The following VPS13D variants were observed in gnomAD, a reference collection of about 807,000 sequenced individuals.
The protein encoded by VPS13D is intermembrane lipid transfer protein VPS13D.
In VPS13D, 187 loss-of-function variants were observed where a neutral mutation model predicts 461.9. The observed-to-expected ratio is 0.40, with a 90% CI of 0.36 to 0.46. The LOEUF is 0.46. VPS13D is among the 20% of genes least tolerant of loss of function. The probability of loss-of-function intolerance (pLI) is 0.60; values close to 1 mark genes in which losing one functional copy is unlikely to be tolerated. For synonymous variants in VPS13D, 1,951 were observed against 1,986.3 expected (o/e 0.98, Z 0.47); for missense variants, 4,711 against 5,364.9 (o/e 0.88, Z 3.81).
chr1:12,504,653 C>G (rs1646080488), intron 68 of VPS13D, among the ~76,000 whole-genome samples: 1 of 152,212 alleles, frequency 6.6e-6, no homozygotes, highest in Non-Finnish European at 1.5e-5. Context: ...GGCTTTCCTG[C>G]CAGCTCGGCC....
chr1:12,477,987 AG>A (rs1372549015), intron 67 of VPS13D, among the ~76,000 whole-genome samples: 1 of 152,204 alleles, frequency 6.6e-6, no homozygotes, highest in Admixed American at 6.5e-5. Context: ...GCACTGTAGG[AG>A]GACTCAGCAG....
intron 67 of VPS13D, among the ~76,000 whole-genome samples, chr1:12,477,113 A>G (rs1177797798): frequency 2.6e-5 from 4 of 152,198 alleles, no homozygotes; most frequent in African/African-American, 9.7e-5. Context: ...TATTTTTAAC[A>G]AGCTTGGGCC....
rs1182107588 is a variant in VPS13D, at chr1:12,329,858, A to G, written c.8227A>G (p.Ser2743Gly). The change falls in exon 37 of 70, where the codon AGC (serine) becomes GGC (glycine). Residue 2743 changes from serine (S) to glycine (G), a missense_variant. By Grantham distance (56) the Ser-to-Gly change is moderately conservative. Transcript: ENST00000620676. The stretch of plus-strand genomic sequence containing the variant: ...GAATTTTCTTCAGCGTGTAAGAACT[A>G]GCCCTGAAGGCTATGCCCACTTCAC... Reference protein sequence around the residue: ...RLNFLQRVRTSPEGYAHFTLS... With the variant: ...RLNFLQRVRTGPEGYAHFTLS... The G allele has an allele frequency of 3.1e-6, 5 of 1,614,052 alleles. No homozygotes were observed.
chr1:12,387,821 GA>G (rs917828060), intron 60 of VPS13D, among the ~76,000 whole-genome samples: 1 of 151,776 alleles, frequency 6.6e-6, no homozygotes, highest in Non-Finnish European at 1.5e-5. Context: ...AAAGGAACAA[GA>G]AAAAAAAGAC....
At chr1:12,459,724 G>A (rs1028025373) in intron 66 of VPS13D, among the ~76,000 whole-genome samples, 2 of 151,994 alleles carry the variant, frequency 1.3e-5, no homozygotes, top group Admixed American at 6.6e-5. Flanking sequence ...TGATCTGCCC[G>A]CCGCAGCCTC....
At chr1:12,313,960 TTAAC>T (rs1642824690) in intron 29 of VPS13D, among the ~76,000 whole-genome samples, 151 bp from the exon 30 acceptor site, 1 of 152,230 alleles carries the variant, frequency 6.6e-6, no homozygotes, top group Non-Finnish European at 1.5e-5. Context: ...GAGGAGTCTA[TTAAC>T]AGAATCAACA....
rs1646156818 is a variant in VPS13D, at chr1:12,509,503, A to G, written c.*479A>G. Reference sequence around the variant, plus strand: ...GAAAGGCATTCTTAAAAGTTAAAGAATGTTACGTCTTAGTTTTGGAGACTA... The same window carrying G: ...GAAAGGCATTCTTAAAAGTTAAAGAGTGTTACGTCTTAGTTTTGGAGACTA... On this transcript the variant is annotated 3_prime_UTR_variant, in exon 70 of 70. Coordinates refer to ENST00000620676, the MANE Select transcript of VPS13D (RefSeq NM_015378.4). The G allele has an allele frequency of 6.5e-6, 1 of 152,974 alleles. No individual in the cohort carries two copies. The highest frequency in any genetic ancestry group is 2.4e-5 in the African/African-American group (1 of 41,476). The allele number at this position is 152,974 out of a possible 1,614,324, so 9.5% of individuals were successfully genotyped here.
intron 68 of VPS13D, chr1:12,499,896 T>G (rs1646013254): frequency 3.0e-6 from 3 of 985,318 alleles, no homozygotes; most frequent in Non-Finnish European, 3.6e-6. Flanking sequence ...GAGCGCCAAA[T>G]TATACCTCTG....
chr1:12,459,875 C>T (rs1476415574), intron 66 of VPS13D, among the ~76,000 whole-genome samples: 11 of 152,034 alleles, frequency 7.2e-5, no homozygotes, highest in African/African-American at 2.4e-4. Flanking sequence ...TGTATCCTCT[C>T]CTGATCGTCC....
chr1:12,386,400 T>C, intron 60 of VPS13D, 66 bp downstream of exon 60: 1 of 1,486,592 alleles, frequency 6.7e-7, no homozygotes, highest in Non-Finnish European at 9.0e-7. Flanking sequence ...CCAGATCTAA[T>C]GTTTGATGTT....
intron 9 of VPS13D, among the ~76,000 whole-genome samples, 159 bp from the exon 10 acceptor site, chr1:12,257,776 A>G (rs1222450517): frequency 7.7e-6 from 1 of 129,762 alleles, no homozygotes; most frequent in Non-Finnish European, 1.5e-5. Context: ...TTCTCCACCT[A>G]GTGGTTTAAT....
At chr1:12,398,524 G>A (rs557441022) in intron 60 of VPS13D, among the ~76,000 whole-genome samples, 2 of 152,234 alleles carry the variant, frequency 1.3e-5, no homozygotes, top group South Asian at 4.2e-4. Flanking sequence ...CCTGCAGATG[G>A]TCTCTTAGGG....
At chr1:12,399,780 C>T (rs1449487414) in intron 60 of VPS13D, among the ~76,000 whole-genome samples, 1 of 152,052 alleles carries the variant, frequency 6.6e-6, no homozygotes, top group Non-Finnish European at 1.5e-5. Flanking sequence ...GATTCCGCCA[C>T]TGCACTTCAA....
chr1:12,240,463 C>T (rs900311832), intron 2 of VPS13D, among the ~76,000 whole-genome samples: 27 of 151,764 alleles, frequency 1.8e-4, no homozygotes, highest in African/African-American at 4.8e-4. Flanking sequence ...GGTGTGGTGG[C>T]GGGCACCTAT....
intron 65 of VPS13D, among the ~76,000 whole-genome samples, chr1:12,446,286 G>A (rs1440631619): frequency 5.3e-5 from 8 of 151,968 alleles, no homozygotes; most frequent in Non-Finnish European, 7.4e-5. Context: ...GCATGGTGTC[G>A]CGTGCCTGTA....
intron 37 of VPS13D, among the ~76,000 whole-genome samples, chr1:12,332,184 G>C (rs1290201141): frequency 1.3e-5 from 2 of 152,150 alleles, no homozygotes; most frequent in African/African-American, 4.8e-5. Flanking sequence ...CAACAACCCC[G>C]CAATGTGTTG....
At chr1:12,294,981 G>C (rs1247308485) in intron 24 of VPS13D, among the ~76,000 whole-genome samples, 1 of 151,948 alleles carries the variant, frequency 6.6e-6, no homozygotes, top group Non-Finnish European at 1.5e-5. Flanking sequence ...CCAGCACTTT[G>C]GGGGGCGAGG....
chr1:12,244,094 C>T, intron 3 of VPS13D, 152 bp from the exon 4 acceptor site: 1 of 712,350 alleles, frequency 1.4e-6, no homozygotes, highest in Non-Finnish European at 2.2e-6. Flanking sequence ...ACACTTGTTT[C>T]ACATGTGCAA....
At chr1:12,231,089 G>C in intron 1 of VPS13D, among the ~76,000 whole-genome samples, 1 of 152,174 alleles carries the variant, frequency 6.6e-6, no homozygotes, top group African/African-American at 2.4e-5. Context: ...CGGTCTGGCC[G>C]CTCCTCAGGG....
Sources: allele counts gnomAD v4.1 joint callset (sites outside exome capture counted in the v4.1 genomes callset), GRCh38; gene constraint gnomAD v4.1.1; transcripts MANE v1.5; gene names NCBI Gene and HGNC (gene_info 2026-07-23, HGNC 2026-07-21).